CLUH: variants seen among roughly 807,000 people sequenced by gnomAD.
CLUH encodes CLUH binding protein of NUMT mRNA.
Under a neutral mutation model 139.3 loss-of-function variants are expected in CLUH, and 77 were observed. The observed-to-expected ratio is 0.55, with a 90% CI of 0.46 to 0.67. The LOEUF is 0.67. Among genes scored for constraint, CLUH ranks in the 30% least tolerant of loss-of-function variants. The probability of loss-of-function intolerance (pLI) is 0.00; values close to 1 mark genes in which losing one functional copy is unlikely to be tolerated. For missense variants in CLUH, 1,876 were observed against 1,875.8 expected (o/e 1.00, Z 0.00); for synonymous variants, 999 against 801.6 (o/e 1.25, Z -4.16).
intron 6 of CLUH, 44 bp downstream of exon 6, chr17:2,701,322 C>A (rs927930471): frequency 1.2e-6 from 2 of 1,605,798 alleles, no homozygotes; most frequent in Non-Finnish European, 1.7e-6. Context: ...AGACCCAGGA[C>A]GGCTGGCACG....
intron 13 of CLUH, chr17:2,695,858 C>T (rs890637438): frequency 1.6e-5 from 9 of 576,096 alleles, no homozygotes; most frequent in South Asian, 6.4e-5. Context: ...ACAGAGCCTG[C>T]GGGAGGAGGA....
Position 2,699,925 on chromosome 17 carries a change from C to T in CLUH, c.1266+457G>A, listed in dbSNP as rs189308335. ...GATTACAGGCATGAGCTACTGAAGC[C>T]GGCCTGAGATTTTTTTTTTCTTAAG... On this transcript the variant is annotated intron_variant, in intron 9 of 25. Coordinates refer to ENST00000651024, the MANE Select transcript of CLUH (RefSeq NM_001366661.1). Among the ~76,000 whole-genome samples, 278 of 152,346 alleles carry T rather than the reference C, an allele frequency of 1.8e-3. 1 individual carries two copies. The highest frequency in any genetic ancestry group is 3.0e-3 in the Non-Finnish European group (204 of 68,032).
intron 1 of CLUH, among the ~76,000 whole-genome samples, chr17:2,708,873 G>GA (rs931890142): frequency 4.9e-4 from 5 of 10,214 alleles, no homozygotes; most frequent in African/African-American, 7.8e-4. Context: ...GGGGGGGGGA[G>GA]CAGAACTATC....
At chr17:2,695,880 A>G in intron 13 of CLUH, 1 of 581,710 alleles carries the variant, frequency 1.7e-6, no homozygotes. Flanking sequence ...GAGGATGGGC[A>G]GCCCCCACTG....
At position 2,704,271 on chromosome 17, in the gene CLUH, G is replaced by A; in HGVS notation, c.303+91C>T. On this transcript the variant is annotated intron_variant, in intron 2 of 25. Transcript: ENST00000651024. This position sits in a 1 kb window ranked among gnomAD's most constrained non-coding sequence, Gnocchi z 5.7. ...CCTCAGTTTCCTGCCACAAAATGGGGCCGGTAGGAGCACGAGCAAGGCTGA... is the reference window on the plus strand; with the variant it reads ...CCTCAGTTTCCTGCCACAAAATGGGACCGGTAGGAGCACGAGCAAGGCTGA... The A allele has an allele frequency of 7.4e-7, 1 of 1,355,194 alleles. No homozygotes were observed. Among genetic ancestry groups the A allele is most frequent in the Non-Finnish European group, 1.0e-6 (1 of 992,080 alleles). The allele number at this position is 1,355,194 out of a possible 1,614,324, so 83.9% of individuals were successfully genotyped here. A position where few individuals can be genotyped will look rare whatever the true frequency, so the allele number is the denominator to read the frequency against.
rs1406435127 is a variant in CLUH, at chr17:2,695,251, G to A, written c.2574C>T (p.Arg858=). Reference sequence around the variant, plus strand: ...ACGTCTTGAAGATGTGCTTGGCCGAGCGGGTGATGAGTTCTCCAATGCCGA... The same window carrying A: ...ACGTCTTGAAGATGTGCTTGGCCGAACGGGTGATGAGTTCTCCAATGCCGA... The part of the protein sequence containing the change: ...FKIGIGELIT[R]SAKHIFKTYL... Residue 858 remains arginine, a synonymous_variant, in exon 15 of 26, where the codon CGC becomes CGT. Coordinates refer to ENST00000651024, the MANE Select transcript of CLUH (RefSeq NM_001366661.1). 1 of 1,613,812 alleles carries A rather than the reference G, an allele frequency of 6.2e-7. No individual in the cohort carries two copies. Among genetic ancestry groups the A allele is most frequent in the Non-Finnish European group, 8.5e-7 (1 of 1,179,874 alleles).
In CLUH at chr17:2,704,466, C is replaced by A; in HGVS notation, c.199G>T (p.Ala67Ser). 3.1e-6 allele frequency: 5 copies of A among 1,599,178 alleles called. No individual in the cohort carries two copies. The highest frequency in any genetic ancestry group is 2.3e-5 in the East Asian group (1 of 43,900). The change falls in exon 2 of 26, where the codon GCC becomes TCC. Residue 67 changes from alanine (A) to serine (S), a missense_variant. Around this residue, in one of 3 missense-constraint regions of CLUH, gnomAD observed 152 missense variants for 136.7 expected, o/e 1.11. Coordinates refer to ENST00000651024, the MANE Select transcript of CLUH (RefSeq NM_001366661.1). The surrounding 1 kb of genome is among the most constrained non-coding windows in gnomAD (Gnocchi z 5.7). Reference sequence around the variant, plus strand: ...CCGGTGGTCTCATCTCCCGGGCCGGCCTCGTCAAGCCCATTTTCCCTGGGT... The same window carrying A: ...CCGGTGGTCTCATCTCCCGGGCCGGACTCGTCAAGCCCATTTTCCCTGGGT... The part of the protein sequence containing the change: ...EPPRENGLDE[A>S]GPGDETTGQE...
At chr17:2,693,356 A>C (rs1298620348) in intron 19 of CLUH, among the ~76,000 whole-genome samples, 1 of 152,088 alleles carries the variant, frequency 6.6e-6, no homozygotes, top group African/African-American at 2.4e-5. Context: ...ATATCACGCC[A>C]CTACACTCCA....
Position 2,696,197 on chromosome 17 carries a change from C to T in CLUH, c.2353G>A (p.Ala785Thr), listed in dbSNP as rs550325305. Residue 785 changes from alanine to threonine, a missense_variant, in exon 13 of 26, where the codon GCG (alanine) becomes ACG (threonine). Ala to Thr is a moderately conservative substitution (Grantham distance 58). Coordinates refer to ENST00000651024, the MANE Select transcript of CLUH (RefSeq NM_001366661.1). ...VRDQKQLLKD[A>T]AAFLLSCQIP... is the part of the protein sequence containing the mutation. ...TGGCAGGAGAGCAGGAAGGCAGCCG[C>T]GTCCTTCAGCAGCTGCTTCTGGTCC... 8 of 1,573,316 alleles carry T rather than the reference C, an allele frequency of 5.1e-6. No individual in the cohort carries two copies. In the African/African-American group the frequency reaches 5.4e-5, roughly 11 times the overall value.
rs570807419 is a variant in CLUH at position 2,697,970 on chromosome 17, G to A, written c.1887C>T (p.Ala629=). The change falls in exon 10 of 26, where the codon GCC becomes GCT. Residue 629 remains alanine, a synonymous_variant. Coordinates refer to ENST00000651024, the MANE Select transcript of CLUH (RefSeq NM_001366661.1). The part of the protein sequence containing the change: ...GEELPEECAR[A]GFPRAHRHKL... ...TGTGCCGGTGGGCGCGGGGGAAGCC[G>A]GCGCGGGCGCATTCCTCAGGCAGCT... 8 of 1,575,894 alleles carry A rather than the reference G, an allele frequency of 5.1e-6. No individual in the cohort carries two copies. The highest frequency in any genetic ancestry group is 3.4e-5 in the South Asian group (3 of 87,044).
intron 18 of CLUH, 27 bp from the exon 19 acceptor site, chr17:2,694,066 G>A (rs1210677854): frequency 2.5e-6 from 4 of 1,613,782 alleles, no homozygotes; most frequent in Admixed American, 1.7e-5. Flanking sequence ...GGGGTGGCAA[G>A]GTCAGGACGG....
chr17:2,695,369 C>T lies in CLUH; in HGVS notation c.2544+5G>A. 6.2e-7 allele frequency: 1 copy of T among 1,612,958 alleles called. No individual in the cohort carries two copies. The highest frequency in any genetic ancestry group is 8.5e-7 in the Non-Finnish European group (1 of 1,179,666). On this transcript the variant is annotated splice_donor_5th_base_variant and intron_variant, in intron 14 of 25. Coordinates refer to ENST00000651024, the MANE Select transcript of CLUH (RefSeq NM_001366661.1). ...CCGTTCCGCCCCACCCCGGGCAGCACTCACAAAGACGTGGTCCAGCTGGTG... is the reference window on the plus strand; with the variant it reads ...CCGTTCCGCCCCACCCCGGGCAGCATTCACAAAGACGTGGTCCAGCTGGTG...
chr17:2,695,307 G>A (rs1034110681), intron 14 of CLUH, 27 bp from the exon 15 acceptor site: 7 of 1,613,500 alleles, frequency 4.3e-6, no homozygotes, highest in African/African-American at 1.3e-5. Context: ...GGGAGGTCTT[G>A]GTCAGGCCCC....
Position 2,700,778 on chromosome 17 carries a change from T to C in CLUH, c.1073A>G (p.Tyr358Cys). Residue 358 changes from tyrosine (Y) to cysteine (C), a missense_variant, in exon 8 of 26, where the codon TAC becomes TGC. By Grantham distance (194) the Tyr-to-Cys change is radical (BLOSUM62 -2). Coordinates refer to ENST00000651024, the MANE Select transcript of CLUH (RefSeq NM_001366661.1). ...CTCCGCCTGGGGGGCTGTCCAGCTG[T>C]ACACCTGGAATGGGGTGGCGATCCT... ...FERIATPFQVYSWTAPQAEHA... is the reference protein window; with the variant it reads ...FERIATPFQVCSWTAPQAEHA... 6.5e-7 allele frequency: 1 copy of C among 1,539,272 alleles called. No individual in the cohort carries two copies. The highest frequency in any genetic ancestry group is 8.7e-7 in the Non-Finnish European group (1 of 1,148,830).
intron 10 of CLUH, 119 bp downstream of exon 10, chr17:2,697,777 C>A: frequency 1.0e-6 from 1 of 974,268 alleles, no homozygotes; most frequent in Non-Finnish European, 1.5e-6. Flanking sequence ...TGTGGCTAGA[C>A]GGAGCCCTTC....
intron 16 of CLUH, 31 bp downstream of exon 16, chr17:2,694,826 A>T: frequency 1.3e-6 from 1 of 796,172 alleles, no homozygotes; most frequent in Non-Finnish European, 1.8e-6. Context: ...GCCCAATCCC[A>T]CCCACCCCAC....
chr17:2,697,453 C>T (rs1366052917), intron 10 of CLUH, among the ~76,000 whole-genome samples: 1 of 151,594 alleles, frequency 6.6e-6, no homozygotes, highest in Non-Finnish European at 1.5e-5. Context: ...AAAAGAGGAG[C>T]TCCCCATCCA....
Position 2,696,276 on chromosome 17 carries a change from A to G in CLUH, c.2291-17T>C. On this transcript the variant is annotated splice_polypyrimidine_tract_variant and intron_variant, in intron 12 of 25. Coordinates refer to ENST00000651024, the MANE Select transcript of CLUH (RefSeq NM_001366661.1). Reference sequence around the variant, plus strand: ...AACGAACCCCTGGAGGAGGGAGAGCAGAGAGGCTGAGCCAGGCAGTGGCAA... The same window carrying G: ...AACGAACCCCTGGAGGAGGGAGAGCGGAGAGGCTGAGCCAGGCAGTGGCAA... The G allele has an allele frequency of 1.3e-6, 2 of 1,558,344 alleles. No homozygotes were observed. Among genetic ancestry groups the G allele is most frequent in the South Asian group, 2.4e-5 (2 of 84,648 alleles).
At position 2,711,548 on chromosome 17, in the gene CLUH, C is replaced by G. The variant is rs910921700; in HGVS notation, c.100+14G>C. 8 of 930,290 alleles carry G rather than the reference C, an allele frequency of 8.6e-6. No individual in the cohort carries two copies. The highest frequency in any genetic ancestry group is 1.0e-5 in the Non-Finnish European group (8 of 780,664). 57.6% of individuals were successfully genotyped at this position (930,290 alleles called of 1,614,324 possible). A position where few individuals can be genotyped will look rare whatever the true frequency, so the allele number is the denominator to read the frequency against. The stretch of plus-strand genomic sequence containing the variant: ...CCCCCCGCCCAGCGGCCCGCTGGCC[C>G]TGGCCCCGCTCACCGGCCGCGCCCG... On this transcript the variant is annotated intron_variant, in intron 1 of 25. Coordinates refer to ENST00000651024, the MANE Select transcript of CLUH (RefSeq NM_001366661.1).
Sources: gnomAD v4.1 joint callset for allele counts (sites outside exome capture counted in the v4.1 genomes callset) on GRCh38, gnomAD v4.1.1 for gene constraint, gnomAD v4.1.1 regional missense constraint, Gnocchi (gnomAD v3.1) non-coding constraint, MANE v1.5 for transcripts, NCBI Gene and HGNC (gene_info 2026-07-23, HGNC 2026-07-21) for gene names.